Variants in TMTC1 observed in about 807,000 individuals in gnomAD.
The protein encoded by TMTC1 is transmembrane O-mannosyltransferase targeting cadherins 1.
TMTC1 carries 73 observed loss-of-function variants against 104.8 expected under a neutral mutation model. The observed-to-expected ratio is 0.70, with a 90% CI of 0.58 to 0.85. The LOEUF is 0.85. Among genes scored for constraint, TMTC1 ranks in the 40% least tolerant of loss-of-function variants. The pLI is 0.00. For missense variants in TMTC1, 1,035 were observed against 1,096.1 expected (o/e 0.94, Z 0.79); for synonymous variants, 434 against 428.7 (o/e 1.01, Z -0.15).
At chr12:29,689,944 G>A (rs1941215887) in intron 5 of TMTC1, among the ~76,000 whole-genome samples, 1 of 152,104 alleles carries the variant, frequency 6.6e-6, no homozygotes, top group Non-Finnish European at 1.5e-5. Flanking sequence ...GTAGATCATT[G>A]CATATTTGAC....
intron 8 of TMTC1, among the ~76,000 whole-genome samples, chr12:29,579,692 C>T (rs528443531): frequency 5.9e-5 from 9 of 152,132 alleles, no homozygotes; most frequent in Non-Finnish European, 1.5e-5. Flanking sequence ...TTATTTACTC[C>T]AAACAAATGT....
At chr12:29,761,641 A>G (rs1943352348) in intron 2 of TMTC1, among the ~76,000 whole-genome samples, 1 of 151,372 alleles carries the variant, frequency 6.6e-6, no homozygotes, top group Non-Finnish European at 1.5e-5. Flanking sequence ...ATAGCTTTTT[A>G]AAAATGCTCC....
intron 11 of TMTC1, chr12:29,534,405 G>C (rs1234074602): frequency 6.6e-6 from 1 of 152,200 alleles, no homozygotes; most frequent in Non-Finnish European, 1.5e-5. Context: ...ATCTAGAACA[G>C]AAAAGTGCTA....
intron 17 of TMTC1, among the ~76,000 whole-genome samples, chr12:29,511,045 CCTTCAGGTCT>C (rs1943820219): frequency 6.6e-6 from 1 of 152,220 alleles, no homozygotes; most frequent in South Asian, 2.1e-4. Flanking sequence ...ATGGCTCACT[CCTTCAGGTCT>C]CTTCTCAAAT....
chr12:29,662,605 G>A (rs1022077900), intron 5 of TMTC1, among the ~76,000 whole-genome samples: 8 of 146,446 alleles, frequency 5.5e-5, no homozygotes, highest in East Asian at 2.0e-4. Context: ...AGCCGAGATC[G>A]TGCCACTACA....
At chr12:29,744,233 C>T (rs1942896398) in intron 5 of TMTC1, among the ~76,000 whole-genome samples, 3 of 152,066 alleles carry the variant, frequency 2.0e-5, no homozygotes, top group Admixed American at 6.5e-5. Flanking sequence ...TGCCAAGAAC[C>T]GATACCCAAT....
At chr12:29,660,008 G>A in intron 5 of TMTC1, 2 of 1,508,806 alleles carry the variant, frequency 1.3e-6, no homozygotes, top group Non-Finnish European at 1.8e-6. Flanking sequence ...AAGATTCAGT[G>A]AGATTGCCAC....
chr12:29,653,730 T>A (rs1939628868), intron 5 of TMTC1, among the ~76,000 whole-genome samples: 2 of 152,132 alleles, frequency 1.3e-5, no homozygotes, highest in Admixed American at 1.3e-4. Context: ...GTTAAAAGAT[T>A]AAGGGCCTTC....
At chr12:29,737,451 T>C (rs571258471) in intron 5 of TMTC1, among the ~76,000 whole-genome samples, 1 of 151,824 alleles carries the variant, frequency 6.6e-6, no homozygotes, top group African/African-American at 2.4e-5. Flanking sequence ...GAGGCGGGGG[T>C]TGCGGTGAGC....
chr12:29,585,465 T>C (rs1258159085), intron 7 of TMTC1, among the ~76,000 whole-genome samples: 1 of 152,244 alleles, frequency 6.6e-6, no homozygotes, highest in Non-Finnish European at 1.5e-5. Context: ...TTTGTCAATT[T>C]TGGCTTTTGT....
At chr12:29,633,920 G>A (rs892483465) in intron 5 of TMTC1, among the ~76,000 whole-genome samples, 1 of 152,122 alleles carries the variant, frequency 6.6e-6, no homozygotes, top group East Asian at 1.9e-4. Flanking sequence ...AAAGTGGAAG[G>A]CATTCTAGTT....
At chr12:29,569,715 T>C (rs561259425) in intron 9 of TMTC1, among the ~76,000 whole-genome samples, 148 of 152,340 alleles carry the variant, frequency 9.7e-4, no homozygotes, top group African/African-American at 3.4e-3. Context: ...CCCACATCCG[T>C]TGAAAATTCA....
rs59108744 is a variant in TMTC1, at chr12:29,600,008, A to ATATATATATATATT, written c.1250+4169_1250+4170insAATATATATATATA. Among the ~76,000 whole-genome samples the ATATATATATATATT allele has an allele frequency of 9.9e-4, 117 of 118,668 alleles. 1 individual carries two copies. The highest frequency in any genetic ancestry group is 4.3e-3 in the African/African-American group (111 of 26,116). The allele number at this position is 118,668 out of a possible 152,430, so 77.9% of individuals were successfully genotyped here. ...TGTGTATATACATATATATATATAT[A>ATATATATATATATT]TTTTTTTTTTTTTTTCCCTCAAAAG... is the stretch of plus-strand genomic sequence containing the variant. On this transcript the variant is annotated intron_variant, in intron 7 of 17. Coordinates refer to ENST00000539277, the MANE Select transcript of TMTC1 (RefSeq NM_001193451.2).
chr12:29,705,376 GA>G (rs1438933151), intron 5 of TMTC1, among the ~76,000 whole-genome samples: 2 of 152,208 alleles, frequency 1.3e-5, no homozygotes, highest in Non-Finnish European at 2.9e-5. Context: ...GCAGATACAG[GA>G]AAAGCTCTGA....
intron 5 of TMTC1, chr12:29,658,801 T>C (rs1260302233): frequency 2.5e-5 from 4 of 161,874 alleles, no homozygotes; most frequent in African/African-American, 9.6e-5. Flanking sequence ...TTCCTCATCA[T>C]AGCAAATTAT....
At chr12:29,701,432 G>C (rs1395178837) in intron 5 of TMTC1, among the ~76,000 whole-genome samples, 1 of 152,120 alleles carries the variant, frequency 6.6e-6, no homozygotes, top group Non-Finnish European at 1.5e-5. Flanking sequence ...AAGAAATTTT[G>C]GCTCCTGGAC....
chr12:29,512,412 GC>G (rs1174352336), intron 16 of TMTC1, among the ~76,000 whole-genome samples: 1 of 152,100 alleles, frequency 6.6e-6, no homozygotes, highest in African/African-American at 2.4e-5. Flanking sequence ...TTTTTAACTG[GC>G]CTTGACCTGC....
intron 6 of TMTC1, chr12:29,609,709 C>G (rs2553077): frequency 0.25 from 37,765 of 152,268 alleles, 5,223 homozygotes; most frequent in East Asian, 0.38. Flanking sequence ...ACCAGCATGG[C>G]CCATGCAAAG....
chr12:29,572,065 T>C, intron 9 of TMTC1, 40 bp downstream of exon 9: 5 of 1,532,632 alleles, frequency 3.3e-6, no homozygotes, highest in Non-Finnish European at 2.7e-6. Context: ...CAACGGTCTT[T>C]AAAGCACCAA....
Sources: allele counts gnomAD v4.1 joint callset (sites outside exome capture counted in the v4.1 genomes callset), GRCh38; gene constraint gnomAD v4.1.1; transcripts MANE v1.5; gene names NCBI Gene and HGNC (gene_info 2026-07-23, HGNC 2026-07-21).